Variants in TCOF1 observed in about 807,000 individuals in gnomAD.
TCOF1 encodes the protein treacle protein.
Under a neutral mutation model 149.0 loss-of-function variants are expected in TCOF1, and 33 were observed. That is an observed-to-expected ratio of 0.22 (90% CI 0.17 to 0.30). The LOEUF is 0.30. TCOF1 is among the 10% of genes least tolerant of loss of function. The probability of loss-of-function intolerance (pLI) is 1.00; values close to 1 mark genes in which losing one functional copy is unlikely to be tolerated. For synonymous variants in TCOF1, 789 were observed against 738.8 expected (o/e 1.07, Z -1.10); for missense variants, 1,728 against 1,840.7 (o/e 0.94, Z 1.12).
chr5:150,365,659 T>C (rs1041608624), intron 3 of TCOF1, among the ~76,000 whole-genome samples: 6 of 152,172 alleles, frequency 3.9e-5, no homozygotes, highest in Non-Finnish European at 5.9e-5. Flanking sequence ...TATTAATCAA[T>C]TTTATAAGCT....
rs553771432 is a variant in TCOF1, at chr5:150,364,009, C to T, written c.165-104C>T. On this transcript the variant is annotated intron_variant, in intron 2 of 26. Transcript: ENST00000643257. ...TTCACCACTGTTTAGATTCTATGCA[C>T]ATTGCCTTTAAGAGCTGGAAGGATG... 1.6e-5 allele frequency: 25 copies of T among 1,544,808 alleles called. No individual in the cohort carries two copies. In the Admixed American group the frequency reaches 3.2e-4, roughly 20 times the overall value.
At chr5:150,385,403 G>A (rs1766076247) in intron 17 of TCOF1, among the ~76,000 whole-genome samples, 1 of 152,184 alleles carries the variant, frequency 6.6e-6, no homozygotes, top group African/African-American at 2.4e-5. Flanking sequence ...GAGGCCACTT[G>A]CCTTCTCTGA....
At chr5:150,385,103 T>G (rs1330035598) in intron 17 of TCOF1, 1 of 982,308 alleles carries the variant, frequency 1.0e-6, no homozygotes, top group Non-Finnish European at 1.2e-6. Context: ...ATTTAGCTAT[T>G]CCACAATGTA....
chr5:150,376,571 G>GCAGTGAGGAGGAATCAGA lies in TCOF1; in HGVS notation c.2301_2318dup (p.Glu768_Glu773dup), dbSNP rs745526626. ...GCTGAAAAGCAGGAAGACTCTGAGA[G>GCAGTGAGGAGGAATCAGA]CAGTGAGGAGGAATCAGACAGTGAG... On this transcript the variant is annotated inframe_insertion, in exon 14 of 27. Transcript: ENST00000643257. 3.1e-6 allele frequency: 5 copies of GCAGTGAGGAGGAATCAGA among 1,593,350 alleles called. No individual in the cohort carries two copies. In the African/African-American group the frequency reaches 4.0e-5, roughly 13 times the overall value.
rs1005477190 is a variant in TCOF1 at position 150,384,988 on chromosome 5, C to G, written c.2860-2914C>G. 5.1e-6 allele frequency: 5 copies of G among 985,276 alleles called. No homozygotes were observed. The African/African-American group carries it at 8.7e-5, about 17-fold the overall frequency. 61.0% of individuals were successfully genotyped at this position (985,276 alleles called of 1,614,324 possible). On this transcript the variant is annotated intron_variant, in intron 17 of 26. Coordinates refer to ENST00000643257, the MANE Select transcript of TCOF1 (RefSeq NM_001371623.1). ...TCCATTCCTAGACCCCTCACTGTGC[C>G]TCCGCCCTGTTGTGCAGAGTAGACC...
chr5:150,382,305 A>G (rs566595056), intron 17 of TCOF1, among the ~76,000 whole-genome samples: 14 of 152,344 alleles, frequency 9.2e-5, no homozygotes, highest in Admixed American at 9.1e-4. Flanking sequence ...AGCATGTGGT[A>G]GGGGCCACTG....
Position 150,374,878 on chromosome 5 carries a change from C to T in TCOF1, c.1278+67C>T. On this transcript the variant is annotated intron_variant, in intron 9 of 26. Transcript: ENST00000643257. The stretch of plus-strand genomic sequence containing the variant: ...ACCCCAGCACCTGCATGGGTGTGGC[C>T]ACCTTTGCCACATCCAGCTCCTGTC... The T allele has an allele frequency of 3.1e-6, 5 of 1,611,538 alleles. No individual in the cohort carries two copies. In the South Asian group the frequency reaches 5.5e-5, roughly 18 times the overall value.
chr5:150,374,433 A>G (rs774303840), intron 8 of TCOF1, 47 bp downstream of exon 8: 3 of 1,550,604 alleles, frequency 1.9e-6, no homozygotes, highest in Non-Finnish European at 2.6e-6. Flanking sequence ...CCGTCCCCAG[A>G]AGGCCTTCTC....
At chr5:150,384,220 A>C in intron 17 of TCOF1, 1 of 998,418 alleles carries the variant, frequency 1.0e-6, no homozygotes, top group Non-Finnish European at 1.2e-6. Context: ...TTCCAATGGC[A>C]CAGATTACAA....
chr5:150,389,226 C>T (rs1197054120), intron 18 of TCOF1, among the ~76,000 whole-genome samples: 2 of 152,152 alleles, frequency 1.3e-5, no homozygotes, highest in Non-Finnish European at 2.9e-5. Flanking sequence ...TTACTGTTAA[C>T]ATTTGACAAA....
rs2150684940 is a variant in TCOF1 at position 150,374,294 on chromosome 5, A to C, written c.991A>C (p.Lys331Gln). 6.3e-7 allele frequency: 1 copy of C among 1,589,302 alleles called. No homozygotes were observed. The highest frequency in any genetic ancestry group is 1.1e-5 in the South Asian group (1 of 88,344). ...GKAGAVASQT[K>Q]AGKPEEDSES... The stretch of plus-strand genomic sequence containing the variant: ...GGCAGGGGCTGTAGCCTCCCAGACC[A>C]AGGCAGGGAAGCCAGAGGAGGACTC... The change falls in exon 8 of 27, where the codon AAG (lysine) becomes CAG (glutamine). Residue 331 changes from lysine (K) to glutamine (Q), a missense_variant. This residue lies in a region of TCOF1 where 1,696 missense variants were observed against 1,765.4 expected (regional missense o/e 0.96). Coordinates refer to ENST00000643257, the MANE Select transcript of TCOF1 (RefSeq NM_001371623.1).
chr5:150,383,856 C>T (rs942942618), intron 17 of TCOF1: 19 of 1,550,278 alleles, frequency 1.2e-5, no homozygotes, highest in East Asian at 2.4e-5. Context: ...GCTCAGGCTA[C>T]ACCTCCAAGG....
At position 150,398,312 on chromosome 5, in the gene TCOF1, AT is replaced by A. The variant is rs775767530; in HGVS notation, c.4346-40del. ...CCCAACATTGACCCCAGCACTTAGG[AT>A]TACCATCTGTTGTTCAGGAACTTTA... On this transcript the variant is annotated intron_variant, in intron 24 of 26. Transcript: ENST00000643257. 2.7e-4 allele frequency: 428 copies of A among 1,611,754 alleles called. 1 individual carries two copies. The highest frequency in any genetic ancestry group is 3.1e-4 in the Non-Finnish European group (369 of 1,179,590).
intron 14 of TCOF1, among the ~76,000 whole-genome samples, chr5:150,378,087 G>A (rs1764222954): frequency 2.0e-5 from 3 of 152,170 alleles, no homozygotes; most frequent in African/African-American, 7.2e-5. Flanking sequence ...GTCATACTTG[G>A]TCCACACTGT....
chr5:150,379,125 TGC>T, intron 15 of TCOF1, 83 bp downstream of exon 15: 2 of 1,613,604 alleles, frequency 1.2e-6, no homozygotes, highest in Non-Finnish European at 1.7e-6. Context: ...CAGGAGAAGG[TGC>T]GTGCATGGGC....
Position 150,393,574 on chromosome 5 carries a change from G to T in TCOF1, c.3784+22G>T, listed in dbSNP as rs781222600. The T allele has an allele frequency of 1.9e-6, 3 of 1,614,074 alleles. No individual in the cohort carries two copies. The Admixed American group carries it at 5.0e-5, about 27-fold the overall frequency. On this transcript the variant is annotated intron_variant, in intron 23 of 26. Transcript: ENST00000643257. ...ACAGGTAAGTTAAGGTCTGCAGGAG[G>T]GACATAGCAGGACACAGAGGGACAG...
At chr5:150,381,208 G>A (rs530172645) in intron 17 of TCOF1, among the ~76,000 whole-genome samples, 9 of 152,250 alleles carry the variant, frequency 5.9e-5, no homozygotes, top group South Asian at 4.2e-4. Context: ...CCTGTGCCAG[G>A]CCAAGCTCCA....
chr5:150,396,690 G>T lies in TCOF1; in HGVS notation c.4193G>T (p.Gly1398Val), dbSNP rs1365605998. The change falls in exon 24 of 27, where the codon GGT (glycine) becomes GTT (valine). Residue 1398 changes from glycine to valine, a missense_variant. This residue lies in a region of TCOF1 where 1,696 missense variants were observed against 1,765.4 expected (regional missense o/e 0.96). Coordinates refer to ENST00000643257, the MANE Select transcript of TCOF1 (RefSeq NM_001371623.1). ...KGKAKRDKAS[G>V]DVKEKKGKGS... ...AAAGCAAAGAGAGACAAAGCAAGTG[G>T]TGATGTCAAGGAGAAGAAAGGGAAG... The T allele has an allele frequency of 1.2e-6, 2 of 1,612,798 alleles. No individual in the cohort carries two copies. The highest frequency in any genetic ancestry group is 3.3e-5 in the Admixed American group (2 of 59,792).
chr5:150,375,571 T>G lies in TCOF1; in HGVS notation c.1704+17T>G. 6.2e-7 allele frequency: 1 copy of G among 1,613,760 alleles called. No homozygotes were observed. The highest frequency in any genetic ancestry group is 8.5e-7 in the Non-Finnish European group (1 of 1,179,824). ...CCGGCTCAGGTGAGGCCCCTTCCTGTAAGGCTCTTTCTTTTTCCCCCCCAC... is the reference window on the plus strand; with the variant it reads ...CCGGCTCAGGTGAGGCCCCTTCCTGGAAGGCTCTTTCTTTTTCCCCCCCAC... On this transcript the variant is annotated intron_variant, in intron 11 of 26. Coordinates refer to ENST00000643257, the MANE Select transcript of TCOF1 (RefSeq NM_001371623.1).
Sources: gnomAD v4.1 joint callset for allele counts (sites outside exome capture counted in the v4.1 genomes callset) on GRCh38, gnomAD v4.1.1 for gene constraint, gnomAD v4.1.1 regional missense constraint, MANE v1.5 for transcripts, NCBI Gene and HGNC (gene_info 2026-07-23, HGNC 2026-07-21) for gene names.